STX3: variants seen among roughly 807,000 people sequenced by gnomAD.
STX3 encodes the protein syntaxin 3, also known as syntaxin-3.
In STX3, 19 loss-of-function variants were observed where a neutral mutation model predicts 40.2. The observed-to-expected ratio is 0.47, with a 90% CI of 0.33 to 0.69. The LOEUF (loss-of-function observed/expected upper bound fraction) is 0.69. STX3 is among the 30% of genes least tolerant of loss of function. The pLI is 0.02. For synonymous variants in STX3, 122 were observed against 132.2 expected (o/e 0.92, Z 0.53); for missense variants, 364 against 366.7 (o/e 0.99, Z 0.06).
chr11:59,797,531 C>T, intron 10 of STX3, 135 bp downstream of exon 10: 1 of 644,560 alleles, frequency 1.6e-6, no homozygotes, highest in Non-Finnish European at 2.7e-6. Context: ...TTTCAGTAGC[C>T]TGTGGATTCT....
intron 1 of STX3, among the ~76,000 whole-genome samples, chr11:59,771,119 G>C (rs948150557): frequency 1.3e-5 from 2 of 152,106 alleles, no homozygotes; most frequent in African/African-American, 2.4e-5. Context: ...AGCAGACACA[G>C]ACACACATAC....
chr11:59,788,086 A>C (rs1864889588), intron 3 of STX3, among the ~76,000 whole-genome samples: 1 of 151,836 alleles, frequency 6.6e-6, no homozygotes, highest in Non-Finnish European at 1.5e-5. Context: ...CATACCCTTT[A>C]CTTACTGTTT....
In STX3 at chr11:59,798,210, G is replaced by GT. The variant is rs869122698; in HGVS notation, c.*30+829dup. Among the ~76,000 whole-genome samples the GT allele has an allele frequency of 7.4e-3, 857 of 116,372 alleles. 4 individuals carry two copies. The highest frequency in any genetic ancestry group is 0.018 in the South Asian group (74 of 4,110). 76.3% of individuals were successfully genotyped at this position (116,372 alleles called of 152,430 possible). ...TGATAGACTTACCACTGAATCACTG[G>GT]TTTTTTTTTTTTTTTGAGACGGAGT... On this transcript the variant is annotated intron_variant, in intron 10 of 10. Coordinates refer to ENST00000337979, the MANE Select transcript of STX3 (RefSeq NM_004177.5).
At chr11:59,766,325 C>A (rs545350369) in intron 1 of STX3, among the ~76,000 whole-genome samples, 1 of 122,948 alleles carries the variant, frequency 8.1e-6, no homozygotes, top group South Asian at 2.2e-4. Flanking sequence ...GGGACAAACT[C>A]TTTTTAGAAA....
At chr11:59,785,542 G>T (rs1185582998) in intron 2 of STX3, among the ~76,000 whole-genome samples, 1 of 152,058 alleles carries the variant, frequency 6.6e-6, no homozygotes, top group Non-Finnish European at 1.5e-5. Context: ...TGTTACCCAG[G>T]CTGATCTTGA....
At chr11:59,765,167 G>A (rs1863221456) in intron 1 of STX3, among the ~76,000 whole-genome samples, 1 of 152,170 alleles carries the variant, frequency 6.6e-6, no homozygotes, top group Admixed American at 6.5e-5. Context: ...TGTTGGGGAA[G>A]ATGGAATTAA....
chr11:59,772,286 G>A (rs1268919735), intron 1 of STX3, among the ~76,000 whole-genome samples: 2 of 152,226 alleles, frequency 1.3e-5, no homozygotes, highest in Admixed American at 1.3e-4. Context: ...GCAGCTGTCT[G>A]GGAAGAACAT....
At chr11:59,790,376 T>C (rs1865053567) in intron 4 of STX3, 143 bp from the exon 5 acceptor site, 7 of 665,088 alleles carry the variant, frequency 1.1e-5, no homozygotes, top group Non-Finnish European at 1.9e-5. Context: ...GTGGCTCATC[T>C]GGGAGCTGAC....
chr11:59,777,155 A>AAGCATGGTACTCCC (rs1303624619), intron 2 of STX3, among the ~76,000 whole-genome samples: 1 of 152,178 alleles, frequency 6.6e-6, no homozygotes, highest in Non-Finnish European at 1.5e-5. Context: ...AAGTGTCAGT[A>AAGCATGGTACTCCC]AGGTACCATG....
chr11:59,770,221 A>G (rs111210834), intron 1 of STX3, among the ~76,000 whole-genome samples: 14,181 of 143,400 alleles, frequency 0.099, 906 homozygotes, highest in African/African-American at 0.19. Flanking sequence ...GGTGGGGTGT[A>G]TGTGTGTAAT....
chr11:59,762,175 G>A (rs1345517265), intron 1 of STX3, among the ~76,000 whole-genome samples: 1 of 152,130 alleles, frequency 6.6e-6, no homozygotes, highest in Non-Finnish European at 1.5e-5. Flanking sequence ...CAGGGCTCCG[G>A]CATCTGTTTT....
chr11:59,772,750 A>G (rs532205910), intron 1 of STX3, among the ~76,000 whole-genome samples: 17 of 152,230 alleles, frequency 1.1e-4, no homozygotes. Flanking sequence ...GAGTTACAGT[A>G]ACTACCACCA....
intron 5 of STX3, 58 bp downstream of exon 5, chr11:59,790,644 A>C: frequency 7.5e-7 from 1 of 1,332,208 alleles, no homozygotes; most frequent in Non-Finnish European, 1.1e-6. Flanking sequence ...TTTTCCCTTA[A>C]CTGTGGAGGG....
chr11:59,765,665 G>A (rs1359164912), intron 1 of STX3, among the ~76,000 whole-genome samples: 1 of 152,152 alleles, frequency 6.6e-6, no homozygotes, highest in East Asian at 1.9e-4. Context: ...TTAGCTGGGT[G>A]TGGTGGTGTG....
chr11:59,793,375 T>C lies in STX3; in HGVS notation c.541-5T>C. The C allele has an allele frequency of 6.2e-7, 1 of 1,613,464 alleles. No homozygotes were observed. Among genetic ancestry groups the C allele is most frequent in the Non-Finnish European group, 8.5e-7 (1 of 1,179,580 alleles). ...AGCTAACAGTCTGTGTGTGGCCTGT[T>C]GTAGATCATTGACTCACAGATTTCC... On this transcript the variant is annotated splice_polypyrimidine_tract_variant and splice_region_variant and intron_variant, in intron 7 of 10. Coordinates refer to ENST00000337979, the MANE Select transcript of STX3 (RefSeq NM_004177.5).
chr11:59,784,875 C>CT (rs1196980004), intron 2 of STX3, among the ~76,000 whole-genome samples: 1 of 151,998 alleles, frequency 6.6e-6, no homozygotes, highest in African/African-American at 2.4e-5. Context: ...TAACAGAGGC[C>CT]TTTTTTATAG....
chr11:59,793,183 T>G lies in STX3; in HGVS notation c.540+11T>G, dbSNP rs745729141. ...ATCTTCACTTCTGGGGTGAGTGCCCTGTGTGCTCGGATAGCACATCCCTCT... is the reference window on the plus strand; with the variant it reads ...ATCTTCACTTCTGGGGTGAGTGCCCGGTGTGCTCGGATAGCACATCCCTCT... On this transcript the variant is annotated intron_variant, in intron 7 of 10. Transcript: ENST00000337979. 15 of 1,612,722 alleles carry G rather than the reference T, an allele frequency of 9.3e-6. No individual in the cohort carries two copies. The highest frequency in any genetic ancestry group is 1.8e-4 in the Middle Eastern group (1 of 5,608).
At chr11:59,791,041 C>T (rs577988318) in intron 5 of STX3, among the ~76,000 whole-genome samples, 1 of 152,220 alleles carries the variant, frequency 6.6e-6, no homozygotes, top group East Asian at 1.9e-4. Flanking sequence ...CAGGAGGATG[C>T]GATAAGAAGA....
upstream of STX3, chr11:59,754,626 A>G (rs565516200): frequency 9.2e-5 from 14 of 152,304 alleles, no homozygotes; most frequent in Admixed American, 3.3e-4. Flanking sequence ...CTCCAGTGCA[A>G]AGTTCTGTAT....
Sources: gnomAD v4.1 joint callset for allele counts (sites outside exome capture counted in the v4.1 genomes callset) on GRCh38, gnomAD v4.1.1 for gene constraint, MANE v1.5 for transcripts, NCBI Gene and HGNC (gene_info 2026-07-23, HGNC 2026-07-21) for gene names.